Variants in LEPR observed in about 807,000 individuals in gnomAD.
The protein encoded by LEPR is leptin receptor.
A neutral mutation model predicts 114.7 loss-of-function variants in LEPR; 56 were observed. The ratio of observed to expected loss-of-function variants is 0.49; its 90% CI spans 0.39 to 0.61. The LOEUF is 0.61. LEPR is among the 20% of genes least tolerant of loss of function. The pLI, the probability that LEPR is intolerant of heterozygous loss-of-function variation, is 0.00. For synonymous variants in LEPR, 443 were observed against 461.4 expected, an observed-to-expected ratio of 0.96 and a Z score of 0.51; for missense variants, 1,202 against 1,352.9, an observed-to-expected ratio of 0.89 and a Z score of 1.75.
At chr1:65,588,907 T>A (rs2100880576) in intron 5 of LEPR, among the ~76,000 whole-genome samples, 1 of 152,232 alleles carries the variant, frequency 6.6e-6, no homozygotes, top group South Asian at 2.1e-4. Flanking sequence ...AATTGAAATA[T>A]GTTTTCATGT....
At chr1:65,462,066 TG>T (rs1260245141) in intron 2 of LEPR, among the ~76,000 whole-genome samples, 1 of 152,224 alleles carries the variant, frequency 6.6e-6, no homozygotes, top group Non-Finnish European at 1.5e-5. Flanking sequence ...TAGGTATACA[TG>T]TGCCATGTTG....
At chr1:65,494,696 C>A (rs771813692) in intron 2 of LEPR, among the ~76,000 whole-genome samples, 1 of 152,070 alleles carries the variant, frequency 6.6e-6, no homozygotes, top group Non-Finnish European at 1.5e-5. Flanking sequence ...TATAGACTGA[C>A]TTCTCTCTTC....
At chr1:65,626,064 A>G (rs2101024240) in intron 19 of LEPR, 2 of 1,494,976 alleles carry the variant, frequency 1.3e-6, no homozygotes, top group East Asian at 4.7e-5. Flanking sequence ...TGAAATGATC[A>G]GGCCCACATC....
chr1:65,605,096 T>C lies in LEPR; in HGVS notation c.1462T>C (p.Cys488Arg). The C allele has an allele frequency of 6.2e-7, 1 of 1,614,114 alleles. No homozygotes were observed. Among genetic ancestry groups the C allele is most frequent in the Non-Finnish European group, 8.5e-7 (1 of 1,180,030 alleles). ...TCATCCCATATCTGAGCCCAAAGAT[T>C]GCTATTTGCAGAGTGATGGTTTTTA... The part of the protein sequence containing the change: ...SIHPISEPKD[C>R]YLQSDGFYEC... Residue 488 changes from cysteine (C) to arginine (R), a missense_variant, in exon 11 of 20, where the codon TGC becomes CGC. Cys to Arg is a radical substitution (Grantham distance 180). Coordinates refer to ENST00000349533, the MANE Select transcript of LEPR (RefSeq NM_002303.6).
At chr1:65,597,582 C>T (rs1251400329) in intron 7 of LEPR, among the ~76,000 whole-genome samples, 1 of 151,902 alleles carries the variant, frequency 6.6e-6, no homozygotes, top group South Asian at 2.1e-4. Flanking sequence ...AACAGCAGTG[C>T]AAAGGATGGT....
At chr1:65,502,386 G>T (rs896525938) in intron 2 of LEPR, among the ~76,000 whole-genome samples, 14 of 151,810 alleles carry the variant, frequency 9.2e-5, no homozygotes, top group African/African-American at 3.4e-4. Flanking sequence ...TTTCAGCCCA[G>T]AACTGTAAAA....
intron 2 of LEPR, among the ~76,000 whole-genome samples, chr1:65,518,357 G>A (rs895225623): frequency 2.0e-5 from 3 of 152,012 alleles, no homozygotes; most frequent in Non-Finnish European, 4.4e-5. Flanking sequence ...CTATTTTGGG[G>A]GTCTGCTGAG....
At chr1:65,497,806 G>T (rs564945653) in intron 2 of LEPR, among the ~76,000 whole-genome samples, 2 of 152,168 alleles carry the variant, frequency 1.3e-5, no homozygotes, top group East Asian at 1.9e-4. Context: ...TCATTCAACT[G>T]CCTTTTGCAT....
At chr1:65,570,418 A>G in intron 3 of LEPR, 55 bp from the exon 4 acceptor site, 3 of 1,535,962 alleles carry the variant, frequency 2.0e-6, no homozygotes, top group Non-Finnish European at 1.8e-6. Flanking sequence ...CTTTCTATTC[A>G]TGTCTTAGTC....
intron 2 of LEPR, among the ~76,000 whole-genome samples, chr1:65,564,501 A>G (rs1358643738): frequency 6.7e-6 from 1 of 148,590 alleles, no homozygotes; most frequent in Non-Finnish European, 1.5e-5. Context: ...AAATGCAGAA[A>G]TCACCCGTCT....
At chr1:65,508,106 A>T (rs918578780) in intron 2 of LEPR, among the ~76,000 whole-genome samples, 1 of 152,182 alleles carries the variant, frequency 6.6e-6, no homozygotes, top group African/African-American at 2.4e-5. Flanking sequence ...TATCCAATGT[A>T]TAACTTAAAA....
In LEPR at chr1:65,617,990, T is replaced by G. The variant is rs950060548; in HGVS notation, c.2239T>G (p.Tyr747Asp). ...KVNIVQSLSA[Y>D]PLNSSCVIVS... The stretch of plus-strand genomic sequence containing the variant: ...AAATATCGTGCAGTCACTCAGTGCT[T>G]ATCCTTTAAACAGCAGTTGTGTGAT... Residue 747 changes from tyrosine (Y) to aspartate (D), a missense_variant, in exon 16 of 20, where the codon TAT (tyrosine) becomes GAT (aspartate). Physicochemically the swap from Tyr to Asp is radical, Grantham distance 160. Coordinates refer to ENST00000349533, the MANE Select transcript of LEPR (RefSeq NM_002303.6). 32 of 1,612,752 alleles carry G rather than the reference T, an allele frequency of 2.0e-5. No homozygotes were observed. The highest frequency in any genetic ancestry group is 2.6e-5 in the Non-Finnish European group (31 of 1,179,442).
At chr1:65,449,181 C>T (rs1000141524) in intron 2 of LEPR, among the ~76,000 whole-genome samples, 1 of 151,616 alleles carries the variant, frequency 6.6e-6, no homozygotes, top group Non-Finnish European at 1.5e-5. Flanking sequence ...CACCTGGCCT[C>T]ATTTCTGATA....
intron 2 of LEPR, among the ~76,000 whole-genome samples, chr1:65,525,343 G>A (rs76656279): frequency 6.6e-6 from 1 of 152,170 alleles, no homozygotes; most frequent in Non-Finnish European, 1.5e-5. Flanking sequence ...GGTCCGGGGT[G>A]GGGGGGTACT....
intron 2 of LEPR, among the ~76,000 whole-genome samples, chr1:65,556,418 GT>G (rs1652818926): frequency 6.6e-6 from 1 of 152,028 alleles, no homozygotes; most frequent in African/African-American, 2.4e-5. Flanking sequence ...AGCTCTACTT[GT>G]GGAATGTGCA....
chr1:65,550,253 G>T (rs551077765), intron 2 of LEPR, among the ~76,000 whole-genome samples: 14 of 152,172 alleles, frequency 9.2e-5, no homozygotes, highest in Non-Finnish European at 1.5e-4. Flanking sequence ...TAGGCTGCTC[G>T]GGGGTCAGGG....
chr1:65,626,426 T>A, intron 19 of LEPR: 1 of 556,340 alleles, frequency 1.8e-6, no homozygotes, highest in Non-Finnish European at 2.3e-6. Flanking sequence ...AATTATTTTT[T>A]AAGCACAGCT....
rs1016951534 is a variant in LEPR, at chr1:65,641,472, G to A, written c.*4457G>A. Reference sequence around the variant, plus strand: ...TTATGTTCCCAAAGTCACAGAGAAAGCAGTGTACTTTATGACAGTATATTT... The same window carrying A: ...TTATGTTCCCAAAGTCACAGAGAAAACAGTGTACTTTATGACAGTATATTT... On this transcript the variant is annotated 3_prime_UTR_variant, in exon 20 of 20. Coordinates refer to ENST00000349533, the MANE Select transcript of LEPR (RefSeq NM_002303.6). The A allele has an allele frequency of 2.0e-5, 3 of 152,292 alleles. No homozygotes were observed. In the South Asian group the frequency reaches 6.2e-4, roughly 32 times the overall value. 9.4% of individuals were successfully genotyped at this position (152,292 alleles called of 1,614,324 possible).
At chr1:65,590,279 T>G (rs996511719) in intron 5 of LEPR, among the ~76,000 whole-genome samples, 5 of 64,282 alleles carry the variant, frequency 7.8e-5, no homozygotes, top group African/African-American at 3.2e-4. Context: ...CCTTTTAATA[T>G]CTGTAGACTG....
Sources: allele counts gnomAD v4.1 joint callset (sites outside exome capture counted in the v4.1 genomes callset), GRCh38; gene constraint gnomAD v4.1.1; transcripts MANE v1.5; gene names NCBI Gene and HGNC (gene_info 2026-07-23, HGNC 2026-07-21).